Variants in WAC observed in about 807,000 individuals in gnomAD.
WAC encodes WW domain containing adaptor with coiled-coil.
WAC carries 11 observed loss-of-function variants against 79.6 expected under a neutral mutation model. The ratio of observed to expected loss-of-function variants is 0.14; its 90% CI spans 0.09 to 0.23. WAC has a LOEUF of 0.23. Ranked by LOEUF, WAC falls within the 10% of genes least tolerant of loss-of-function variation. WAC has a pLI of 1.00. For missense variants in WAC, 728 were observed against 773.5 expected, an observed-to-expected ratio of 0.94 and a Z score of 0.70; for synonymous variants, 304 against 276.9, an observed-to-expected ratio of 1.10 and a Z score of -0.97.
intron 3 of WAC, among the ~76,000 whole-genome samples, chr10:28,561,141 T>C (rs1838280835): frequency 6.6e-6 from 1 of 152,236 alleles, no homozygotes; most frequent in African/African-American, 2.4e-5. Context: ...GCATTGACAT[T>C]GCTGGAGAGC....
At chr10:28,613,127 G>T (rs1841323586) in intron 10 of WAC, among the ~76,000 whole-genome samples, 1 of 152,132 alleles carries the variant, frequency 6.6e-6, no homozygotes, top group African/African-American at 2.4e-5. Context: ...ATTTGCTGGG[G>T]GAGGCCGAGG....
chr10:28,554,618 A>G (rs1837879921), intron 3 of WAC, among the ~76,000 whole-genome samples: 1 of 152,136 alleles, frequency 6.6e-6, no homozygotes, highest in African/African-American at 2.4e-5. Flanking sequence ...CTACCCCACC[A>G]TTCCCTCCCA....
At chr10:28,565,513 C>T (rs563879078) in intron 3 of WAC, among the ~76,000 whole-genome samples, 1 of 152,304 alleles carries the variant, frequency 6.6e-6, no homozygotes, top group Admixed American at 6.5e-5. Flanking sequence ...GCTGGGACTA[C>T]AGGTGTGCAC....
intron 7 of WAC, among the ~76,000 whole-genome samples, chr10:28,600,395 T>C (rs1564411287): frequency 6.6e-6 from 1 of 152,142 alleles, no homozygotes; most frequent in East Asian, 1.9e-4. Context: ...GCTAGGCTCT[T>C]ATAGCTGATG....
At chr10:28,616,139 T>C (rs1786898730) in intron 11 of WAC, 34 bp from the exon 12 acceptor site, 1 of 1,498,794 alleles carries the variant, frequency 6.7e-7, no homozygotes, top group East Asian at 2.3e-5. Flanking sequence ...GAAACTACTT[T>C]TAAACATACT....
At chr10:28,607,404 A>G (rs1589235837) in intron 7 of WAC, among the ~76,000 whole-genome samples, 1 of 152,294 alleles carries the variant, frequency 6.6e-6, no homozygotes, top group East Asian at 1.9e-4. Flanking sequence ...AAATAGTATT[A>G]ACAGTGCTCT....
intron 13 of WAC, among the ~76,000 whole-genome samples, chr10:28,618,643 C>G (rs143774897): frequency 1.1e-3 from 172 of 152,236 alleles, no homozygotes; most frequent in Middle Eastern, 6.8e-3. Flanking sequence ...CTGATTATGC[C>G]TAATTCATGT....
At chr10:28,571,455 G>C (rs1399515405) in intron 3 of WAC, among the ~76,000 whole-genome samples, 1 of 152,178 alleles carries the variant, frequency 6.6e-6, no homozygotes, top group Non-Finnish European at 1.5e-5. Flanking sequence ...CTGTCAGACT[G>C]TTGTACTTTG....
At chr10:28,617,956 C>A in intron 13 of WAC, 172 bp downstream of exon 13, 1 of 736,652 alleles carries the variant, frequency 1.4e-6, no homozygotes, top group Non-Finnish European at 1.9e-6. Context: ...AGGATAAAGC[C>A]TGTCGATTTT....
Position 28,536,944 on chromosome 10 carries a change from C to G in WAC, c.274+1187C>G, listed in dbSNP as rs181909055. On this transcript the variant is annotated intron_variant, in intron 3 of 13. Transcript: ENST00000354911. The stretch of plus-strand genomic sequence containing the variant: ...TTTTTGCCCCTATTGGCAGCTAGTT[C>G]TTCAATACTTGGCTTACTTTAAAAA... Among the ~76,000 whole-genome samples the G allele has an allele frequency of 1.1e-4, 17 of 152,268 alleles. No individual in the cohort carries two copies. In the East Asian group the frequency reaches 3.3e-3, roughly 29 times the overall value.
intron 3 of WAC, among the ~76,000 whole-genome samples, chr10:28,571,609 C>T (rs996457551): frequency 6.6e-6 from 1 of 152,242 alleles, no homozygotes. Flanking sequence ...ACTTTACTAT[C>T]TTAATGTAAC....
At position 28,590,724 on chromosome 10, in the gene WAC, C is replaced by G; in HGVS notation, c.502C>G (p.Gln168Glu). 2 of 1,598,384 alleles carry G rather than the reference C, an allele frequency of 1.3e-6. No homozygotes were observed. Among genetic ancestry groups the G allele is most frequent in the Non-Finnish European group, 1.7e-6 (2 of 1,173,148 alleles). ...TATCTTTTTTTTTATTTTTAGAGAA[C>G]AGAGACAAAAAGAAGCAAACAAGAT... ...EKPKEWLERE[Q>E]RQKEANKMAV... is the part of the protein sequence containing the mutation. Residue 168 changes from glutamine (Q) to glutamate (E), a missense_variant, in exon 6 of 14, where the codon CAG (glutamine) becomes GAG (glutamate). This residue lies in a region of WAC where 648 missense variants were observed against 661.5 expected (regional missense o/e 0.98). Transcript: ENST00000354911.
At chr10:28,582,924 A>G (rs943439504) in intron 3 of WAC, among the ~76,000 whole-genome samples, 4 of 152,166 alleles carry the variant, frequency 2.6e-5, no homozygotes, top group Non-Finnish European at 5.9e-5. Context: ...ATGCTGTTTT[A>G]TTTGAAAAAT....
chr10:28,546,894 A>G (rs1271650804), intron 3 of WAC, among the ~76,000 whole-genome samples: 2 of 151,838 alleles, frequency 1.3e-5, no homozygotes, highest in Non-Finnish European at 2.9e-5. Flanking sequence ...CAAATCTATT[A>G]AGGGTATTTT....
In WAC at chr10:28,621,104, T is replaced by A. The variant is rs932647084; in HGVS notation, c.*1498T>A. The A allele has an allele frequency of 6.6e-6, 1 of 151,922 alleles. No homozygotes were observed. Among genetic ancestry groups the A allele is most frequent in the Non-Finnish European group, 1.5e-5 (1 of 67,930 alleles). 9.4% of individuals were successfully genotyped at this position (151,922 alleles called of 1,614,324 possible). A position where few individuals can be genotyped will look rare whatever the true frequency, so the allele number is the denominator to read the frequency against. ...AGGGTTTCCGCATGAAAAAAATCTT[T>A]TCTTCCCCCACAAAAAAACCTTTAC... On this transcript the variant is annotated 3_prime_UTR_variant, in exon 14 of 14. Transcript: ENST00000354911.
chr10:28,598,348 CT>C (rs139311368), intron 7 of WAC, among the ~76,000 whole-genome samples: 1 of 152,146 alleles, frequency 6.6e-6, no homozygotes, highest in African/African-American at 2.4e-5. Flanking sequence ...TTGCCATTAT[CT>C]TTCCTGTCCT....
chr10:28,543,381 A>G (rs978200294), intron 3 of WAC, among the ~76,000 whole-genome samples: 2 of 152,266 alleles, frequency 1.3e-5, no homozygotes, highest in African/African-American at 4.8e-5. Context: ...CTTAAAAACT[A>G]TAATGACATA....
At chr10:28,589,904 G>C in intron 5 of WAC, 53 bp downstream of exon 5, 1 of 1,314,354 alleles carries the variant, frequency 7.6e-7, no homozygotes, top group Middle Eastern at 1.9e-4. Flanking sequence ...GGTTCTACTG[G>C]TTAACATCTT....
intron 9 of WAC, 97 bp downstream of exon 9, chr10:28,610,918 T>TG: frequency 1.5e-6 from 2 of 1,339,624 alleles, no homozygotes; most frequent in South Asian, 3.6e-5. Flanking sequence ...TTTCATTTTT[T>TG]TTTTTAGTTT....
Sources: allele counts gnomAD v4.1 joint callset (sites outside exome capture counted in the v4.1 genomes callset), GRCh38; gene constraint gnomAD v4.1.1; regional missense constraint gnomAD v4.1.1; transcripts MANE v1.5; gene names NCBI Gene and HGNC (gene_info 2026-07-23, HGNC 2026-07-21).